PDE4D: variants seen among roughly 807,000 people sequenced by gnomAD.
PDE4D encodes phosphodiesterase 4D.
A neutral mutation model predicts 87.4 loss-of-function variants in PDE4D; 24 were observed. The ratio of observed to expected loss-of-function variants is 0.27; its 90% CI spans 0.20 to 0.39. The LOEUF is 0.39. Among genes scored for constraint, PDE4D ranks in the 10% least tolerant of loss-of-function variants. The pLI is 1.00. For missense variants in PDE4D, 714 were observed against 1,041.0 expected (o/e 0.69, Z 4.32); for synonymous variants, 384 against 383.2 (o/e 1.00, Z -0.02).
intron 1 of PDE4D, among the ~76,000 whole-genome samples, chr5:59,339,382 T>C (rs1778306616): frequency 6.6e-6 from 1 of 152,196 alleles, no homozygotes; most frequent in Non-Finnish European, 1.5e-5. Flanking sequence ...CATTTCCAAA[T>C]AGCATTCTGT....
At chr5:59,454,395 G>A (rs926776540) in intron 1 of PDE4D, among the ~76,000 whole-genome samples, 1 of 152,152 alleles carries the variant, frequency 6.6e-6, no homozygotes, top group Non-Finnish European at 1.5e-5. Context: ...AAATCTGATG[G>A]TTTTAAAAAC....
intron 1 of PDE4D, among the ~76,000 whole-genome samples, chr5:59,609,397 C>CACACACACAT (rs1828681538): frequency 6.6e-6 from 1 of 151,716 alleles, no homozygotes; most frequent in African/African-American, 2.4e-5. Flanking sequence ...CACACACACA[C>CACACACACAT]ACATATATAT....
At chr5:60,214,594 C>A (rs1283127236) in intron 1 of PDE4D, among the ~76,000 whole-genome samples, 1 of 151,846 alleles carries the variant, frequency 6.6e-6, no homozygotes, top group Non-Finnish European at 1.5e-5. Flanking sequence ...CTTGTTAGGG[C>A]AGAATTAGAA....
rs989326247 is a variant in PDE4D at position 60,167,399 on chromosome 5, G to T, written c.42+18158C>A. The stretch of plus-strand genomic sequence containing the variant: ...TTCTCCTGCCTCAGCCTCCCGAGTA[G>T]CTGGGACTACAGGCGCCCGCCACCT... On this transcript the variant is annotated intron_variant, in intron 2 of 16. Coordinates refer to the PDE4D transcript ENST00000502484. Among the ~76,000 whole-genome samples the T allele has an allele frequency of 3.3e-5, 5 of 150,802 alleles. 1 individual carries two copies. The highest frequency in any genetic ancestry group is 1.2e-4 in the African/African-American group (5 of 41,114).
Position 59,210,215 on chromosome 5 carries a change from C to G in PDE4D, c.647+5562G>C, listed in dbSNP as rs78824138. On this transcript the variant is annotated intron_variant, in intron 2 of 14. Coordinates refer to ENST00000340635, the MANE Select transcript of PDE4D (RefSeq NM_001104631.2). ...TGACTACAAACTTTTCATGTAGATC[C>G]AGTGAGAATTAGAACCTTTGTAATG... is the stretch of plus-strand genomic sequence containing the variant. Among the ~76,000 whole-genome samples, 539 of 152,256 alleles carry G rather than the reference C, an allele frequency of 3.5e-3. 9 individuals carry two copies. The East Asian group carries it at 0.044, about 12-fold the overall frequency.
intron 6 of PDE4D, among the ~76,000 whole-genome samples, chr5:58,996,361 AAG>A (rs1749222695): frequency 6.6e-6 from 1 of 152,328 alleles, no homozygotes; most frequent in African/African-American, 2.4e-5. Flanking sequence ...TTCCAAAGAA[AAG>A]AGTCTGCTAA....
intron 5 of PDE4D, chr5:59,039,465 G>C (rs7706419): frequency 1.3e-5 from 13 of 987,150 alleles, no homozygotes; most frequent in Admixed American, 6.1e-5. Context: ...CCTTCTGCAC[G>C]GCACTTGAAG....
intron 2 of PDE4D, among the ~76,000 whole-genome samples, chr5:60,086,385 C>T (rs971702359): frequency 2.0e-5 from 3 of 152,256 alleles, no homozygotes; most frequent in Non-Finnish European, 1.5e-5. Flanking sequence ...GATATTATAG[C>T]TCTTTAAACT....
At chr5:59,506,517 G>A (rs781256456) in intron 1 of PDE4D, among the ~76,000 whole-genome samples, 8 of 152,042 alleles carry the variant, frequency 5.3e-5, no homozygotes, top group Non-Finnish European at 1.0e-4. Context: ...CAAATTAAAA[G>A]TTGACTTCAA....
chr5:59,121,268 C>T (rs1049815046), intron 5 of PDE4D, among the ~76,000 whole-genome samples: 1 of 152,030 alleles, frequency 6.6e-6, no homozygotes, highest in African/African-American at 2.4e-5. Context: ...AAGAGACAAT[C>T]TATTAAATGG....
chr5:59,013,776 T>C (rs1003674287), intron 6 of PDE4D, among the ~76,000 whole-genome samples: 1 of 151,202 alleles, frequency 6.6e-6, no homozygotes, highest in African/African-American at 2.4e-5. Flanking sequence ...AAAGAGGGAA[T>C]CCTCCCTAAC....
At chr5:60,444,107 T>C (rs1745453289) in intron 1 of PDE4D, among the ~76,000 whole-genome samples, 1 of 152,124 alleles carries the variant, frequency 6.6e-6, no homozygotes, top group Admixed American at 6.6e-5. Flanking sequence ...AGAAAAGTAT[T>C]TGGTGAAAAG....
intron 1 of PDE4D, among the ~76,000 whole-genome samples, chr5:59,489,017 C>T (rs1224734479): frequency 6.6e-6 from 1 of 151,890 alleles, no homozygotes; most frequent in Non-Finnish European, 1.5e-5. Context: ...CCAGGCGTGA[C>T]GGCTCATGCC....
intron 5 of PDE4D, among the ~76,000 whole-genome samples, chr5:59,095,314 A>T (rs893779520): frequency 6.6e-6 from 1 of 151,088 alleles, no homozygotes; most frequent in South Asian, 2.1e-4. Flanking sequence ...CTAGATGCTT[A>T]TTCTTACCTA....
chr5:60,481,193 A>G (rs1406064485), intron 1 of PDE4D, among the ~76,000 whole-genome samples: 1 of 152,172 alleles, frequency 6.6e-6, no homozygotes, highest in African/African-American at 2.4e-5. Context: ...CTTAACACCC[A>G]ACAAAAATAT....
At chr5:59,713,675 G>A (rs1316825973) in intron 1 of PDE4D, among the ~76,000 whole-genome samples, 2 of 152,164 alleles carry the variant, frequency 1.3e-5, no homozygotes, top group Non-Finnish European at 2.9e-5. Context: ...TGTGGTACCT[G>A]GTCACAGCTG....
intron 1 of PDE4D, among the ~76,000 whole-genome samples, chr5:60,370,144 C>T (rs1365835283): frequency 1.3e-5 from 2 of 152,110 alleles, no homozygotes. Flanking sequence ...GAAAGCAGCT[C>T]CCCTAACAGG....
intron 5 of PDE4D, among the ~76,000 whole-genome samples, chr5:59,103,892 A>G (rs551286198): frequency 6.6e-6 from 1 of 152,372 alleles, no homozygotes; most frequent in South Asian, 2.1e-4. Flanking sequence ...AAAGAGAACC[A>G]GCCTGGGCTG....
intron 1 of PDE4D, chr5:59,587,572 AG>A: frequency 1.0e-6 from 1 of 985,428 alleles, no homozygotes; most frequent in African/African-American, 1.7e-5. Flanking sequence ...GTGCCGCCCC[AG>A]CTCTGATCAG....
Sources: gnomAD v4.1 joint callset for allele counts (sites outside exome capture counted in the v4.1 genomes callset) on GRCh38, gnomAD v4.1.1 for gene constraint, MANE v1.5 for transcripts, NCBI Gene and HGNC (gene_info 2026-07-23, HGNC 2026-07-21) for gene names.